The following SUSD6 variants were observed in gnomAD, a reference collection of about 807,000 sequenced individuals.
The protein encoded by SUSD6 is sushi domain-containing protein 6.
A neutral mutation model predicts 28.4 loss-of-function variants in SUSD6; 16 were observed. That is an observed-to-expected ratio of 0.56 (90% CI 0.38 to 0.86). The LOEUF is 0.86. SUSD6 is among the 40% of genes least tolerant of loss of function. SUSD6 has a pLI of 0.00. For missense variants in SUSD6, 341 were observed against 384.2 expected (o/e 0.89, Z 0.94); for synonymous variants, 147 against 159.6 (o/e 0.92, Z 0.59).
chr14:69,661,802 T>C (rs1460854594), intron 2 of SUSD6, among the ~76,000 whole-genome samples: 1 of 152,134 alleles, frequency 6.6e-6, no homozygotes, highest in East Asian at 1.9e-4. Flanking sequence ...GTTTCTTTTT[T>C]CTTTTTATTT....
intron 2 of SUSD6, among the ~76,000 whole-genome samples, chr14:69,692,384 G>A (rs1400742272): frequency 6.6e-6 from 1 of 152,132 alleles, no homozygotes; most frequent in Non-Finnish European, 1.5e-5. Flanking sequence ...AAATCAAGAA[G>A]CTTCCTTGTA....
At chr14:69,681,127 G>A (rs948495250) in intron 2 of SUSD6, among the ~76,000 whole-genome samples, 3 of 152,150 alleles carry the variant, frequency 2.0e-5, no homozygotes, top group Non-Finnish European at 2.9e-5. Context: ...CTTCAGGGAG[G>A]GAATGCACTG....
chr14:69,708,925 C>A lies in SUSD6; in HGVS notation c.707C>A (p.Ser236Tyr), dbSNP rs780071163. Residue 236 changes from serine (S) to tyrosine (Y), a missense_variant, in exon 5 of 6, where the codon TCT becomes TAT. Coordinates refer to ENST00000342745, the MANE Select transcript of SUSD6 (RefSeq NM_014734.4). ...AGGEDEAPGQSGLCEAWGSRA... is the reference protein window; with the variant it reads ...AGGEDEAPGQYGLCEAWGSRA... ...GGAGAAGATGAGGCCCCAGGCCAGT[C>A]TGGACTATGTGAAGCCTGGGGCTCT... The A allele has an allele frequency of 6.2e-7, 1 of 1,614,176 alleles. No individual in the cohort carries two copies. The highest frequency in any genetic ancestry group is 8.5e-7 in the Non-Finnish European group (1 of 1,180,042).
intron 2 of SUSD6, among the ~76,000 whole-genome samples, chr14:69,682,901 C>G (rs568369091): frequency 1.3e-5 from 2 of 150,856 alleles, no homozygotes; most frequent in African/African-American, 4.9e-5. Context: ...ATGTCAAATC[C>G]TTTCTGTCTG....
At chr14:69,693,060 C>T (rs888145519) in intron 2 of SUSD6, among the ~76,000 whole-genome samples, 4 of 152,194 alleles carry the variant, frequency 2.6e-5, no homozygotes, top group African/African-American at 9.6e-5. Context: ...GTAACACTTG[C>T]TAATACACGT....
At chr14:69,696,573 T>C (rs1029095315) in intron 2 of SUSD6, among the ~76,000 whole-genome samples, 1 of 152,244 alleles carries the variant, frequency 6.6e-6, no homozygotes, top group Non-Finnish European at 1.5e-5. Flanking sequence ...AGACCCTTAG[T>C]GCTAAATGCC....
chr14:69,658,727 TGC>T lies in SUSD6; in HGVS notation c.121+15_121+16del. ...GACTTGCTTCCGGTAAGTCCTGACCTGCCTTCTGTGTGTGGGTGGGAAAATAT... is the reference window on the plus strand; with the variant it reads ...GACTTGCTTCCGGTAAGTCCTGACCTCTTCTGTGTGTGGGTGGGAAAATAT... On this transcript the variant is annotated intron_variant, in intron 2 of 5. Coordinates refer to ENST00000342745, the MANE Select transcript of SUSD6 (RefSeq NM_014734.4). 1 of 1,613,736 alleles carries T rather than the reference TGC, an allele frequency of 6.2e-7. No homozygotes were observed. The highest frequency in any genetic ancestry group is 1.1e-5 in the South Asian group (1 of 91,038).
chr14:69,704,516 A>G (rs1425635109), intron 3 of SUSD6, 88 bp from the exon 4 acceptor site: 6 of 1,347,910 alleles, frequency 4.5e-6, no homozygotes, highest in Non-Finnish European at 6.1e-6. Flanking sequence ...ACCATTCAGG[A>G]GGCATTTGAC....
In SUSD6 at chr14:69,704,733, A is replaced by G. The variant is rs1378717007; in HGVS notation, c.449A>G (p.His150Arg). 3.1e-6 allele frequency: 5 copies of G among 1,613,968 alleles called. No individual in the cohort carries two copies. The highest frequency in any genetic ancestry group is 2.2e-5 in the East Asian group (1 of 44,856). ...VLLQPKLKSF[H>R]HSRRDQGVSG... ...CTGCAGCCAAAGCTGAAGTCTTTCC[A>G]TCATAGCAGGTGAGTCCAGTGGCAG... The change falls in exon 4 of 6, where the codon CAT becomes CGT. Residue 150 changes from histidine to arginine, a missense_variant. Physicochemically the swap from His to Arg is conservative, Grantham distance 29 (BLOSUM62 0). Transcript: ENST00000342745.
At chr14:69,638,944 G>T (rs1340903272) in intron 1 of SUSD6, among the ~76,000 whole-genome samples, 2 of 152,134 alleles carry the variant, frequency 1.3e-5, no homozygotes, top group African/African-American at 4.8e-5. Flanking sequence ...GGTTTCCAAG[G>T]TATAAGAACC....
intron 1 of SUSD6, among the ~76,000 whole-genome samples, chr14:69,645,259 A>G (rs1272411132): frequency 6.6e-6 from 1 of 152,150 alleles, no homozygotes; most frequent in East Asian, 1.9e-4. Flanking sequence ...AGGGGAAAAT[A>G]CTCAGGTTAG....
intron 1 of SUSD6, among the ~76,000 whole-genome samples, chr14:69,653,028 G>A (rs1263731094): frequency 2.0e-5 from 3 of 152,232 alleles, no homozygotes; most frequent in Non-Finnish European, 4.4e-5. Context: ...GTCAAAGCAA[G>A]TAACAGCCCC....
chr14:69,701,416 T>C (rs992429908), intron 2 of SUSD6, among the ~76,000 whole-genome samples: 2 of 152,136 alleles, frequency 1.3e-5, no homozygotes, highest in African/African-American at 4.8e-5. Flanking sequence ...CATGGGGTGC[T>C]CAGCATTAAT....
At chr14:69,696,805 C>T (rs1886231414) in intron 2 of SUSD6, among the ~76,000 whole-genome samples, 2 of 152,276 alleles carry the variant, frequency 1.3e-5, no homozygotes, top group South Asian at 4.1e-4. Context: ...TAAGTGTAAC[C>T]GGAAAGGGGT....
At chr14:69,703,655 G>A (rs987547472) in intron 3 of SUSD6, 63 bp downstream of exon 3, 16 of 1,467,174 alleles carry the variant, frequency 1.1e-5, no homozygotes, top group Non-Finnish European at 1.4e-5. Context: ...CTCACAGGAT[G>A]CAAAGCATGC....
intron 2 of SUSD6, among the ~76,000 whole-genome samples, chr14:69,672,517 T>G (rs1410255342): frequency 6.6e-6 from 1 of 152,252 alleles, no homozygotes; most frequent in East Asian, 1.9e-4. Context: ...GGCTGGCAGA[T>G]TTCTTCATTC....
chr14:69,682,947 C>CTTTTTTTTTTTTTTTTTTTT (rs5809442), intron 2 of SUSD6, among the ~76,000 whole-genome samples: 1 of 62,670 alleles, frequency 1.6e-5, no homozygotes, highest in Non-Finnish European at 3.4e-5. Flanking sequence ...TCCAAGAAGC[C>CTTTTTTTTTTTTTTTTTTTT]TTTTTTTTTT....
intron 2 of SUSD6, among the ~76,000 whole-genome samples, chr14:69,680,715 G>A (rs1327548948): frequency 6.6e-6 from 1 of 152,108 alleles, no homozygotes. Context: ...ACTGTGGTAT[G>A]TGCCCCCAAA....
intron 2 of SUSD6, among the ~76,000 whole-genome samples, chr14:69,665,635 A>G (rs1234188541): frequency 2.0e-5 from 3 of 152,238 alleles, no homozygotes; most frequent in African/African-American, 7.2e-5. Context: ...GATTCAATTC[A>G]TGTACACCTC....
Sources: allele counts gnomAD v4.1 joint callset (sites outside exome capture counted in the v4.1 genomes callset), GRCh38; gene constraint gnomAD v4.1.1; transcripts MANE v1.5; gene names NCBI Gene and HGNC (gene_info 2026-07-23, HGNC 2026-07-21).